The following WNK1 variants were observed in gnomAD, a reference collection of about 807,000 sequenced individuals.
WNK1 encodes the protein serine/threonine-protein kinase WNK1.
Under a neutral mutation model 222.8 loss-of-function variants are expected in WNK1, and 38 were observed. The observed-to-expected ratio is 0.17, with a 90% CI of 0.13 to 0.22. The LOEUF (loss-of-function observed/expected upper bound fraction) is 0.22, where lower values mean the gene tolerates loss of function less well. Among genes scored for constraint, WNK1 ranks in the 10% least tolerant of loss-of-function variants. WNK1 has a pLI of 1.00. For missense variants in WNK1, 2,348 were observed against 2,918.4 expected (o/e 0.80, Z 4.50); for synonymous variants, 1,090 against 1,092.9 (o/e 1.00, Z 0.05).
Position 889,141 on chromosome 12 carries a change from C to G in WNK1, c.5366C>G (p.Ser1789Cys). 1.2e-6 allele frequency: 2 copies of G among 1,613,908 alleles called. No individual in the cohort carries two copies. The highest frequency in any genetic ancestry group is 8.5e-7 in the Non-Finnish European group (1 of 1,179,828). Residue 1789 changes from serine to cysteine, a missense_variant and splice_region_variant, in exon 21 of 28, where the codon TCC (serine) becomes TGC (cysteine). Physicochemically the swap from Ser to Cys is moderately radical, Grantham distance 112. Transcript: ENST00000315939. ...PPFPGPSLTQ[S>C]QQPLEDLDAQ... ...TTTACTGTGATTGTTTTCATTCAGT[C>G]CCAGCAACCTCTAGAGGATCTTGAT...
At position 764,634 on chromosome 12, in the gene WNK1, C is replaced by CAAA. The variant is rs529312629; in HGVS notation, c.759+10328_759+10330dup. On this transcript the variant is annotated intron_variant, in intron 1 of 27. Transcript: ENST00000315939. ...CTGGGCAACGAGCGAAACTCCGTCT[C>CAAA]AAAAAAAAAAAAAAAAAAAAGAAAG... Among the ~76,000 whole-genome samples, 54 of 49,986 alleles carry CAAA rather than the reference C, an allele frequency of 1.1e-3. 1 individual carries two copies. Among genetic ancestry groups the CAAA allele is most frequent in the South Asian group, 1.9e-3 (2 of 1,072 alleles). The allele number at this position is 49,986 out of a possible 152,430, so 32.8% of individuals were successfully genotyped here. A position where few individuals can be genotyped will look rare whatever the true frequency, so the allele number is the denominator to read the frequency against.
chr12:802,959 T>C (rs898422587), intron 1 of WNK1, among the ~76,000 whole-genome samples: 4 of 152,206 alleles, frequency 2.6e-5, no homozygotes, highest in Non-Finnish European at 4.4e-5. Flanking sequence ...TATTCATATT[T>C]TGAACATGAT....
At chr12:848,291 A>C (rs999279391) in intron 4 of WNK1, among the ~76,000 whole-genome samples, 4 of 152,158 alleles carry the variant, frequency 2.6e-5, no homozygotes, top group African/African-American at 7.2e-5. Flanking sequence ...GGAAATGGTT[A>C]AATGTCAGAT....
intron 4 of WNK1, among the ~76,000 whole-genome samples, chr12:844,586 T>C (rs1949882781): frequency 6.6e-6 from 1 of 152,176 alleles, no homozygotes; most frequent in Non-Finnish European, 1.5e-5. Context: ...TTATTTTTCC[T>C]CTAAGCTATG....
In WNK1 at chr12:868,775, C is replaced by T; in HGVS notation, c.2140-2490C>T. 6.2e-7 allele frequency: 1 copy of T among 1,614,014 alleles called. No individual in the cohort carries two copies. The highest frequency in any genetic ancestry group is 8.5e-7 in the Non-Finnish European group (1 of 1,179,900). ...AGTTGGATTACATGGCTACTTGCAG[C>T]CTGTGACTGAAGAAAAGCATAATTA... On this transcript the variant is annotated intron_variant, in intron 8 of 27. Coordinates refer to ENST00000315939, the MANE Select transcript of WNK1 (RefSeq NM_018979.4).
In WNK1 at chr12:908,758, G is replaced by C; in HGVS notation, c.7115G>C (p.Ser2372Thr). 7.0e-7 allele frequency: 1 copy of C among 1,429,692 alleles called. No homozygotes were observed. The highest frequency in any genetic ancestry group is 9.4e-7 in the Non-Finnish European group (1 of 1,064,696). 88.6% of individuals were successfully genotyped at this position (1,429,692 alleles called of 1,614,324 possible). A position where few individuals can be genotyped will look rare whatever the true frequency, so the allele number is the denominator to read the frequency against. Residue 2372 changes from serine (S) to threonine (T), a missense_variant, in exon 28 of 28, where the codon AGC (serine) becomes ACC (threonine). Coordinates refer to ENST00000315939, the MANE Select transcript of WNK1 (RefSeq NM_018979.4). ...ATCAGCAATTTGCAGAAATCCATCA[G>C]CAACCCCCCAGGCTCCAACCTGCGG... ...FNISNLQKSI[S>T]NPPGSNLRTT
At chr12:780,686 A>G (rs948167512) in intron 1 of WNK1, among the ~76,000 whole-genome samples, 14 of 152,230 alleles carry the variant, frequency 9.2e-5, no homozygotes, top group Non-Finnish European at 1.8e-4. Flanking sequence ...TAATACTTAC[A>G]TGCTGAAGTA....
At chr12:756,703 T>G (rs771623959) in intron 1 of WNK1, among the ~76,000 whole-genome samples, 4 of 152,234 alleles carry the variant, frequency 2.6e-5, no homozygotes, top group African/African-American at 9.6e-5. Flanking sequence ...TAATAAAATA[T>G]TCAGTGGGTC....
chr12:880,835 G>A lies in WNK1; in HGVS notation c.2947G>A (p.Glu983Lys). The change falls in exon 12 of 28, where the codon GAA becomes AAA. Residue 983 changes from glutamate (E) to lysine (K), a missense_variant. Glu to Lys is a moderately conservative substitution (Grantham distance 56). Coordinates refer to ENST00000315939, the MANE Select transcript of WNK1 (RefSeq NM_018979.4). The stretch of plus-strand genomic sequence containing the variant: ...AGTCCTATCCCCTCCCATGCCGACA[G>A]AAGTACTGGCTACACCTGGGTACTT... ...STVLSPPMPT[E>K]VLATPGYFPT... 6.2e-7 allele frequency: 1 copy of A among 1,614,090 alleles called. No homozygotes were observed.
At chr12:816,898 AATG>A (rs1166783461) in intron 2 of WNK1, among the ~76,000 whole-genome samples, 1 of 152,204 alleles carries the variant, frequency 6.6e-6, no homozygotes. Flanking sequence ...TTATTTACAT[AATG>A]ATGTCAGTAA....
intron 9 of WNK1, among the ~76,000 whole-genome samples, chr12:877,046 A>C (rs1208181191): frequency 6.9e-6 from 1 of 144,882 alleles, no homozygotes; most frequent in Admixed American, 7.3e-5. Flanking sequence ...GTCAGCCCTA[A>C]ACTTCATTTT....
chr12:905,093 G>A (rs766500717), intron 26 of WNK1, among the ~76,000 whole-genome samples: 77 of 152,274 alleles, frequency 5.1e-4, no homozygotes, highest in Admixed American at 1.2e-3. Flanking sequence ...TAGGGGAAAT[G>A]TATTATAATG....
intron 4 of WNK1, among the ~76,000 whole-genome samples, chr12:855,717 T>G (rs1372429224): frequency 6.6e-6 from 1 of 152,226 alleles, no homozygotes; most frequent in Non-Finnish European, 1.5e-5. Context: ...TTGATCCGTG[T>G]GGTGACTTAG....
chr12:885,457 C>T lies in WNK1; in HGVS notation c.4653C>T (p.Ser1551=), dbSNP rs1372527217. Residue 1551 remains serine (S), a synonymous_variant, in exon 19 of 28, where the codon TCC becomes TCT. Coordinates refer to ENST00000315939, the MANE Select transcript of WNK1 (RefSeq NM_018979.4). ...CCCTCTCTGCACCATCTTCCTCTTC[C>T]TCTCCTGGAGCAGGAGTGTCTAGTT... ...AFSLSAPSSS[S]SPGAGVSSYI... 6.2e-7 allele frequency: 1 copy of T among 1,613,966 alleles called. No homozygotes were observed. Among genetic ancestry groups the T allele is most frequent in the Non-Finnish European group, 8.5e-7 (1 of 1,180,040 alleles).
chr12:837,143 A>G (rs1209190458), intron 4 of WNK1, among the ~76,000 whole-genome samples: 1 of 152,260 alleles, frequency 6.6e-6, no homozygotes, highest in Non-Finnish European at 1.5e-5. Context: ...GGGATGCCTC[A>G]TGGTCAGAAC....
intron 24 of WNK1, among the ~76,000 whole-genome samples, chr12:896,957 T>C (rs935728336): frequency 2.0e-5 from 3 of 146,544 alleles, no homozygotes; most frequent in Non-Finnish European, 3.0e-5. Flanking sequence ...AACCACTGAC[T>C]CACAGGCACA....
chr12:892,925 T>C (rs1954390399), intron 22 of WNK1, among the ~76,000 whole-genome samples: 1 of 152,178 alleles, frequency 6.6e-6, no homozygotes, highest in Admixed American at 6.5e-5. Context: ...ATATTTATTG[T>C]ACAGATCTAT....
At chr12:757,518 A>T (rs1394601754) in intron 1 of WNK1, among the ~76,000 whole-genome samples, 1 of 151,936 alleles carries the variant, frequency 6.6e-6, no homozygotes, top group Admixed American at 6.6e-5. Context: ...CTTAGTAAAT[A>T]ATGCCTAGGT....
intron 9 of WNK1, among the ~76,000 whole-genome samples, chr12:876,856 AC>A (rs1274519872): frequency 6.6e-6 from 1 of 152,112 alleles, no homozygotes; most frequent in Non-Finnish European, 1.5e-5. Context: ...ATGGCCACTT[AC>A]GCATAGAAAA....
Sources: gnomAD v4.1 joint callset for allele counts (sites outside exome capture counted in the v4.1 genomes callset) on GRCh38, gnomAD v4.1.1 for gene constraint, MANE v1.5 for transcripts, NCBI Gene and HGNC (gene_info 2026-07-23, HGNC 2026-07-21) for gene names.